Variants in GALNT13 observed in about 807,000 individuals in gnomAD.
GALNT13 encodes the protein polypeptide N-acetylgalactosaminyltransferase 13, also known as UDP-GalNAc:polypeptide N-acetylgalactosaminyltransferase 13.
A neutral mutation model predicts 64.2 loss-of-function variants in GALNT13; 28 were observed. The ratio of observed to expected loss-of-function variants is 0.44; its 90% CI spans 0.32 to 0.60. The LOEUF (loss-of-function observed/expected upper bound fraction) is 0.60. GALNT13 is among the 20% of genes least tolerant of loss of function. GALNT13 has a pLI of 0.05. For synonymous variants in GALNT13, 214 were observed against 224.6 expected, an observed-to-expected ratio of 0.95 and a Z score of 0.42; for missense variants, 577 against 669.8, an observed-to-expected ratio of 0.86 and a Z score of 1.53.
At chr2:153,108,776 G>C in the GALNT13 span, among the ~76,000 whole-genome samples, 4 of 152,066 alleles carry the variant, frequency 2.6e-5, no homozygotes, top group East Asian at 7.7e-4. Flanking sequence ...AAAAAGTCAA[G>C]TTTTATTAAC....
chr2:154,237,518 T>TTATATATATATATATA (rs10624007), intron 4 of GALNT13, among the ~76,000 whole-genome samples: 2,332 of 142,564 alleles, frequency 0.016, 28 homozygotes, highest in Middle Eastern at 0.022. Context: ...TCTGCCAGCT[T>TTATATATATATATATA]TATATATATA....
intron 4 of GALNT13, among the ~76,000 whole-genome samples, chr2:154,155,035 G>T (rs1439680670): frequency 6.6e-6 from 1 of 151,526 alleles, no homozygotes; most frequent in Non-Finnish European, 1.5e-5. Context: ...AATTAATTTT[G>T]CACATAAGAA....
chr2:153,353,374 T>A, the GALNT13 span, among the ~76,000 whole-genome samples: 3 of 152,190 alleles, frequency 2.0e-5, no homozygotes, highest in African/African-American at 7.2e-5. Flanking sequence ...ATTTCCTACA[T>A]AGACAGTCAT....
the GALNT13 span, among the ~76,000 whole-genome samples, chr2:153,168,233 C>G: frequency 6.6e-6 from 1 of 152,120 alleles, no homozygotes; most frequent in Non-Finnish European, 1.5e-5. Flanking sequence ...GAGTATAGAA[C>G]AGAGACTATT....
chr2:153,824,424 GTCT>G, the GALNT13 span, among the ~76,000 whole-genome samples: 1 of 152,106 alleles, frequency 6.6e-6, no homozygotes, highest in Non-Finnish European at 1.5e-5. Flanking sequence ...AAATGCACTT[GTCT>G]TTTTGGTAAT....
chr2:153,621,195 C>T, the GALNT13 span, among the ~76,000 whole-genome samples: 17 of 152,088 alleles, frequency 1.1e-4, no homozygotes, highest in Admixed American at 2.0e-4. Flanking sequence ...TACATATTTA[C>T]GAAATGTTGT....
At chr2:153,358,295 G>T in the GALNT13 span, among the ~76,000 whole-genome samples, 1 of 152,096 alleles carries the variant, frequency 6.6e-6, no homozygotes, top group East Asian at 1.9e-4. Context: ...AAATTTACCT[G>T]GATGTAATAG....
chr2:154,395,977 C>A lies in GALNT13; in HGVS notation c.1157-14C>A. 1 of 1,576,308 alleles carries A rather than the reference C, an allele frequency of 6.3e-7. No individual in the cohort carries two copies. The highest frequency in any genetic ancestry group is 8.6e-7 in the Non-Finnish European group (1 of 1,164,004). On this transcript the variant is annotated splice_polypyrimidine_tract_variant and intron_variant, in intron 9 of 12. Coordinates refer to ENST00000392825, the MANE Select transcript of GALNT13 (RefSeq NM_052917.4). The stretch of plus-strand genomic sequence containing the variant: ...ATAGCACAAACTGATTTGTGTTTCT[C>A]TGAAAAATTCCAGGTGTTGTCAAAG...
intron 8 of GALNT13, chr2:154,286,625 G>A: frequency 3.9e-6 from 1 of 254,600 alleles, no homozygotes; most frequent in Non-Finnish European, 7.7e-6. Context: ...TAACAAGTTT[G>A]GCCTGGCCTT....
chr2:153,895,382 T>C (rs1687820019), intron 1 of GALNT13, among the ~76,000 whole-genome samples: 1 of 152,166 alleles, frequency 6.6e-6, no homozygotes, highest in Non-Finnish European at 1.5e-5. Flanking sequence ...TTTTCTTTTT[T>C]TAGCTCAACA....
chr2:153,069,562 T>A, the GALNT13 span, among the ~76,000 whole-genome samples: 1 of 152,160 alleles, frequency 6.6e-6, no homozygotes, highest in African/African-American at 2.4e-5. Context: ...GCAGCATTAT[T>A]TTCTCTATGC....
At chr2:153,756,735 C>T in the GALNT13 span, among the ~76,000 whole-genome samples, 5 of 151,964 alleles carry the variant, frequency 3.3e-5, no homozygotes, top group African/African-American at 1.2e-4. Flanking sequence ...CTTTCCATTC[C>T]AAACTAGTAT....
chr2:153,196,598 C>T, the GALNT13 span, among the ~76,000 whole-genome samples: 1 of 152,040 alleles, frequency 6.6e-6, no homozygotes, highest in African/African-American at 2.4e-5. Flanking sequence ...GGCTGGAGCT[C>T]CTGCCTGCTC....
chr2:153,435,048 G>T, the GALNT13 span, among the ~76,000 whole-genome samples: 1 of 152,136 alleles, frequency 6.6e-6, no homozygotes, highest in Non-Finnish European at 1.5e-5. Context: ...TTCTACATAT[G>T]GCTAGCCAGT....
intron 9 of GALNT13, among the ~76,000 whole-genome samples, chr2:154,318,474 C>G (rs1305687984): frequency 6.6e-6 from 1 of 151,992 alleles, no homozygotes; most frequent in Non-Finnish European, 1.5e-5. Flanking sequence ...GCCTGTAATC[C>G]CAGCACTTTG....
Position 154,396,117 on chromosome 2 carries a change from A to T in GALNT13, c.1283A>T (p.Tyr428Phe). 1 of 1,603,722 alleles carries T rather than the reference A, an allele frequency of 6.2e-7. No homozygotes were observed. Among genetic ancestry groups the T allele is most frequent in the Non-Finnish European group, 8.5e-7 (1 of 1,175,596 alleles). The change falls in exon 10 of 13, where the codon TAC becomes TTC. Residue 428 changes from tyrosine (Y) to phenylalanine (F), a missense_variant. Around this residue, in one of 3 missense-constraint regions of GALNT13, gnomAD observed 232 missense variants for 270.6 expected, o/e 0.86. Transcript: ENST00000392825. ...YPDSQIPRRYYSLGEIRNVET... is the reference protein window; with the variant it reads ...YPDSQIPRRYFSLGEIRNVET... ...GACTCCCAGATCCCAAGACGTTATTACTCACTTGGTGAGGTATGAATTATT... is the reference window on the plus strand; with the variant it reads ...GACTCCCAGATCCCAAGACGTTATTTCTCACTTGGTGAGGTATGAATTATT...
At chr2:153,171,897 C>G in the GALNT13 span, 3 of 152,206 alleles carry the variant, frequency 2.0e-5, no homozygotes, top group Non-Finnish European at 4.4e-5. Context: ...CAGGACTGAC[C>G]ATGTAGATTA....
chr2:153,296,615 A>G, the GALNT13 span, among the ~76,000 whole-genome samples: 3 of 152,208 alleles, frequency 2.0e-5, no homozygotes, highest in African/African-American at 7.2e-5. Context: ...GGCAGGATAT[A>G]TTCCTGACTG....
At chr2:153,481,508 G>C in the GALNT13 span, among the ~76,000 whole-genome samples, 2 of 152,158 alleles carry the variant, frequency 1.3e-5, no homozygotes, top group African/African-American at 2.4e-5. Flanking sequence ...TATGCAGGGA[G>C]CATACTGGTA....
Sources: allele counts gnomAD v4.1 joint callset (sites outside exome capture counted in the v4.1 genomes callset), GRCh38; gene constraint gnomAD v4.1.1; regional missense constraint gnomAD v4.1.1; transcripts MANE v1.5; gene names NCBI Gene and HGNC (gene_info 2026-07-23, HGNC 2026-07-21).